HEPH: variants seen among roughly 807,000 people sequenced by gnomAD.
HEPH encodes hephaestin.
HEPH carries 69 observed loss-of-function variants against 80.8 expected under a neutral mutation model. That is an observed-to-expected ratio of 0.85 (90% confidence interval 0.70 to 1.04). The LOEUF is 1.04. Ranked by LOEUF, HEPH falls within the 50% of genes least tolerant of loss-of-function variation. The pLI is 0.00. For missense variants in HEPH, 1,115 were observed against 891.3 expected (o/e 1.25, Z -3.20); for synonymous variants, 431 against 322.8 (o/e 1.34, Z -3.60).
rs1368774040 is a variant in HEPH at position 66,203,399 on chromosome X, C to T, written c.2113C>T (p.Arg705Ter). Residue 705 changes from arginine (R) to a stop codon, truncating the protein, a stop_gained, in exon 13 of 21, where the codon CGA becomes TGA. Transcript: ENST00000343002. LOFTEE classifies it high-confidence loss of function. ...GATTTATTGCCAGGCAGGCAGCCAT[C>T]GAGAAGCAGGGATGAGGGCAATCTA... Reference protein sequence around the residue: ...FEIYCQAGSHREAGMRAIYNV... With the variant: ...FEIYCQAGSH 15 of 1,210,481 alleles carry T rather than the reference C, an allele frequency of 1.2e-5. No individual in the cohort carries two copies. The highest frequency in any genetic ancestry group is 1.6e-5 in the Non-Finnish European group (14 of 895,104).
intron 15 of HEPH, among the ~76,000 whole-genome samples, chrX:66,242,366 C>T (rs1339205241): frequency 9.0e-6 from 1 of 111,608 alleles, no homozygotes; most frequent in African/African-American, 3.3e-5. Context: ...CAAAAATCAA[C>T]TCAAAATTGA....
intron 15 of HEPH, among the ~76,000 whole-genome samples, chrX:66,250,362 G>A (rs953724115): frequency 9.0e-6 from 1 of 111,244 alleles, no homozygotes; most frequent in African/African-American, 3.3e-5. Flanking sequence ...CACTTTATCC[G>A]GTGATTAATA....
intron 15 of HEPH, among the ~76,000 whole-genome samples, chrX:66,251,934 C>T (rs2091018907): frequency 8.9e-6 from 1 of 111,958 alleles, no homozygotes; most frequent in South Asian, 3.7e-4. Flanking sequence ...AGAGATGTGG[C>T]ATGGTTTACT....
intron 15 of HEPH, among the ~76,000 whole-genome samples, chrX:66,233,863 A>G (rs2090253560): frequency 1.8e-5 from 2 of 111,249 alleles, no homozygotes; most frequent in South Asian, 7.6e-4. Context: ...AAGGCTGTCA[A>G]AACATGTTTT....
chrX:66,246,588 G>A (rs900046440), intron 15 of HEPH, among the ~76,000 whole-genome samples: 1 of 110,962 alleles, frequency 9.0e-6, no homozygotes, highest in Non-Finnish European at 1.9e-5. Flanking sequence ...AAGCATGGTG[G>A]GGGCAGTGTG....
chrX:66,167,467 A>G (rs1334475360), intron 1 of HEPH, among the ~76,000 whole-genome samples: 1 of 111,947 alleles, frequency 8.9e-6, no homozygotes, highest in East Asian at 2.8e-4. Flanking sequence ...CTTGCCTGGG[A>G]CAGTTTTCTG....
intron 15 of HEPH, among the ~76,000 whole-genome samples, chrX:66,243,578 C>T (rs1276808600): frequency 8.8e-6 from 1 of 113,037 alleles, no homozygotes; most frequent in Non-Finnish European, 1.9e-5. Flanking sequence ...TGATATGGAT[C>T]TCTTTTAAAC....
chrX:66,171,210 A>G (rs2086582959), intron 2 of HEPH: 3 of 264,361 alleles, frequency 1.1e-5, no homozygotes, highest in African/African-American at 5.8e-5. Flanking sequence ...ATACTCTGTG[A>G]CACAGACCAT....
chrX:66,168,828 G>A (rs2086474563), intron 1 of HEPH, among the ~76,000 whole-genome samples: 1 of 111,638 alleles, frequency 9.0e-6, no homozygotes, highest in African/African-American at 3.3e-5. Context: ...GTGAATAGTA[G>A]CCATTATCAT....
chrX:66,248,326 A>C (rs951623820), intron 15 of HEPH, among the ~76,000 whole-genome samples: 4 of 112,377 alleles, frequency 3.6e-5, no homozygotes, highest in Non-Finnish European at 7.5e-5. Flanking sequence ...ATCTCATACT[A>C]TCCCACCTGG....
At chrX:66,256,873 G>A (rs1282045642) in intron 17 of HEPH, among the ~76,000 whole-genome samples, 1 of 112,050 alleles carries the variant, frequency 8.9e-6, no homozygotes, top group Non-Finnish European at 1.9e-5. Context: ...CAGATACAAG[G>A]AAGAACTTTT....
In HEPH at chrX:66,231,042, C is replaced by A. The variant is rs375078722; in HGVS notation, c.2563+22796C>A. Among the ~76,000 whole-genome samples, 29 of 108,477 alleles carry A rather than the reference C, an allele frequency of 2.7e-4. No individual in the cohort carries two copies. The East Asian group carries it at 8.1e-3, about 30-fold the overall frequency. 94.2% of individuals were successfully genotyped at this position (108,477 alleles called of 115,157 possible). On this transcript the variant is annotated intron_variant, in intron 15 of 20. Transcript: ENST00000343002. ...CATTTATTAAATAGGGAATCCTTTC[C>A]CCATTGCTTGTTTTTCTCAGGTTTG...
chrX:66,239,329 C>T (rs753004316), intron 15 of HEPH, among the ~76,000 whole-genome samples: 30 of 111,467 alleles, frequency 2.7e-4, no homozygotes, highest in Admixed American at 2.6e-3. Flanking sequence ...CAGAGTCTTC[C>T]CCCTTCAACC....
intron 17 of HEPH, among the ~76,000 whole-genome samples, chrX:66,258,329 GTCTT>G (rs2091247801): frequency 8.9e-6 from 1 of 111,821 alleles, no homozygotes; most frequent in African/African-American, 3.3e-5. Context: ...GATCAGGAAA[GTCTT>G]TCTGGGGGAG....
chrX:66,227,794 T>C (rs911023477), intron 15 of HEPH, among the ~76,000 whole-genome samples: 8 of 111,538 alleles, frequency 7.2e-5, no homozygotes, highest in Non-Finnish European at 1.5e-4. Flanking sequence ...TTTTGGTGAC[T>C]ATGGCCTTAT....
At chrX:66,258,392 C>G (rs2091249884) in intron 17 of HEPH, among the ~76,000 whole-genome samples, 1 of 111,228 alleles carries the variant, frequency 9.0e-6, no homozygotes, top group Non-Finnish European at 1.9e-5. Flanking sequence ...GGCAGGATTT[C>G]TAGTAGGGAA....
chrX:66,216,124 C>T (rs765589441), intron 15 of HEPH, among the ~76,000 whole-genome samples: 15 of 111,348 alleles, frequency 1.3e-4, no homozygotes, highest in East Asian at 1.1e-3. Context: ...CCAAAGACAA[C>T]GAACACAATC....
chrX:66,217,280 G>T (rs1351823378), intron 15 of HEPH, among the ~76,000 whole-genome samples: 1 of 110,767 alleles, frequency 9.0e-6, no homozygotes, highest in Admixed American at 9.6e-5. Context: ...AAGTTGGGAG[G>T]CAAAAGCACC....
intron 15 of HEPH, among the ~76,000 whole-genome samples, chrX:66,218,374 A>T (rs1405182817): frequency 8.9e-6 from 1 of 112,123 alleles, no homozygotes; most frequent in Non-Finnish European, 1.9e-5. Flanking sequence ...TAAAATGGGA[A>T]TTCAACTCCA....
Sources: allele counts gnomAD v4.1 joint callset (sites outside exome capture counted in the v4.1 genomes callset), GRCh38; gene constraint gnomAD v4.1.1; transcripts MANE v1.5; gene names NCBI Gene and HGNC (gene_info 2026-07-23, HGNC 2026-07-21).